The following ACAN variants were observed in gnomAD, a reference collection of about 807,000 sequenced individuals.
The protein encoded by ACAN is aggrecan core protein.
A neutral mutation model predicts 169.1 loss-of-function variants in ACAN; 47 were observed. That is an observed-to-expected ratio of 0.28 (90% CI 0.22 to 0.35). The LOEUF is 0.35. Ranked by LOEUF, ACAN falls within the 10% of genes least tolerant of loss-of-function variation. The pLI is 1.00. For missense variants in ACAN, 2,716 were observed against 2,759.9 expected (o/e 0.98, Z 0.36); for synonymous variants, 1,115 against 1,112.2 (o/e 1.00, Z -0.05).
chr15:88,804,898 G>A (rs1895638916), intron 1 of ACAN, among the ~76,000 whole-genome samples: 1 of 152,164 alleles, frequency 6.6e-6, no homozygotes, highest in African/African-American at 2.4e-5. Context: ...GGGTTAGCAC[G>A]GTGTTTTGGG....
Position 88,809,104 on chromosome 15 carries a change from A to G in ACAN, c.-8+5295A>G, listed in dbSNP as rs1895757514. On this transcript the variant is annotated intron_variant, in intron 1 of 18. Transcript: ENST00000560601. The stretch of plus-strand genomic sequence containing the variant: ...AGGACCTGGCACAAATTAGACATAC[A>G]ATAAAATGGCAACTGTTATTAGTAT... Among the ~76,000 whole-genome samples the G allele has an allele frequency of 2.0e-5, 3 of 152,322 alleles. No individual in the cohort carries two copies. In the South Asian group the frequency reaches 6.2e-4, roughly 32 times the overall value.
At chr15:88,817,424 G>A (rs1326208080) in intron 1 of ACAN, among the ~76,000 whole-genome samples, 1 of 152,086 alleles carries the variant, frequency 6.6e-6, no homozygotes, top group Non-Finnish European at 1.5e-5. Flanking sequence ...TTATAGGCAT[G>A]AGCCACTGTG....
chr15:88,812,709 C>T (rs1432527250), intron 1 of ACAN, among the ~76,000 whole-genome samples: 3 of 152,008 alleles, frequency 2.0e-5, no homozygotes. Flanking sequence ...TTAAAGAAAA[C>T]AAACACCCCC....
In ACAN at chr15:88,855,291, T is replaced by G; in HGVS notation, c.2706T>G (p.Ser902Arg). The G allele has an allele frequency of 6.2e-7, 1 of 1,611,206 alleles. No homozygotes were observed. Among genetic ancestry groups the G allele is most frequent in the Non-Finnish European group, 8.5e-7 (1 of 1,178,006 alleles). Reference sequence around the variant, plus strand: ...TGCCCTCTGGAGACCTGGACTCCAGTGGTCTTACTTCCACAGTGGGCTCAG... The same window carrying G: ...TGCCCTCTGGAGACCTGGACTCCAGGGGTCTTACTTCCACAGTGGGCTCAG... The part of the protein sequence containing the change: ...SGLPSGDLDS[S>R]GLTSTVGSGL... The change falls in exon 12 of 19, where the codon AGT (serine) becomes AGG (arginine). Residue 902 changes from serine to arginine, a missense_variant. Ser to Arg is a moderately radical substitution (Grantham distance 110). Transcript: ENST00000560601.
chr15:88,807,207 G>A lies in ACAN; in HGVS notation c.-8+3398G>A, dbSNP rs530105586. On this transcript the variant is annotated intron_variant, in intron 1 of 18. Coordinates refer to ENST00000560601, the MANE Select transcript of ACAN (RefSeq NM_001369268.1). The surrounding 1 kb of genome is among the most constrained non-coding windows in gnomAD (Gnocchi z 4.0). ...GTTGGGGAAAGGCAAGTTCAAGGAAGAGGACCCAGAGTCAGAGAGGAAGCA... is the reference window on the plus strand; with the variant it reads ...GTTGGGGAAAGGCAAGTTCAAGGAAAAGGACCCAGAGTCAGAGAGGAAGCA... 6.6e-6 allele frequency among the ~76,000 whole-genome samples: 1 copy of A among 152,234 alleles called. No homozygotes were observed. The highest frequency in any genetic ancestry group is 2.1e-4 in the South Asian group (1 of 4,808).
chr15:88,829,538 A>T (rs1301556732), intron 1 of ACAN, among the ~76,000 whole-genome samples: 1 of 152,172 alleles, frequency 6.6e-6, no homozygotes, highest in Non-Finnish European at 1.5e-5. Context: ...CCCAGCCTCG[A>T]GTGCATATGC....
Position 88,860,442 on chromosome 15 carries a change from A to C in ACAN, c.6946+3A>C, listed in dbSNP as rs756842423. ...CACTGGCGAGCACTGTAACATAGGT[A>C]AGGCCCTCATTGGCCGTGGAGAGTG... On this transcript the variant is annotated splice_donor_region_variant and intron_variant, in intron 13 of 18. Transcript: ENST00000560601. 1.2e-6 allele frequency: 2 copies of C among 1,611,630 alleles called. No individual in the cohort carries two copies. The highest frequency in any genetic ancestry group is 3.3e-5 in the Admixed American group (2 of 59,882).
chr15:88,851,637 A>T lies in ACAN; in HGVS notation c.2027-157A>T, dbSNP rs1896931834. 2.5e-6 allele frequency: 2 copies of T among 794,362 alleles called. No homozygotes were observed. The highest frequency in any genetic ancestry group is 1.7e-5 in the African/African-American group (1 of 57,538). The allele number at this position is 794,362 out of a possible 1,614,324, so 49.2% of individuals were successfully genotyped here. On this transcript the variant is annotated intron_variant, in intron 10 of 18. Coordinates refer to ENST00000560601, the MANE Select transcript of ACAN (RefSeq NM_001369268.1). This position sits in a 1 kb window ranked among gnomAD's most constrained non-coding sequence, Gnocchi z 4.3. Reference sequence around the variant, plus strand: ...TATGGATATTATATCATTGGTGCCGATGGCTCTTACTAAGCGAGAAGGCAA... The same window carrying T: ...TATGGATATTATATCATTGGTGCCGTTGGCTCTTACTAAGCGAGAAGGCAA...
At chr15:88,860,252 C>A in intron 12 of ACAN, 74 bp from the exon 13 acceptor site, 1 of 1,106,972 alleles carries the variant, frequency 9.0e-7, no homozygotes, top group Non-Finnish European at 1.3e-6. Flanking sequence ...CATGCCCCAA[C>A]TTTGAGGTCT....
chr15:88,815,950 C>G (rs1339676284), intron 1 of ACAN, among the ~76,000 whole-genome samples: 1 of 152,230 alleles, frequency 6.6e-6, no homozygotes, highest in Non-Finnish European at 1.5e-5. Context: ...CAGGGCCATG[C>G]TCCCTCTGAA....
intron 4 of ACAN, among the ~76,000 whole-genome samples, chr15:88,840,868 GGC>G: frequency 6.6e-6 from 1 of 152,166 alleles, no homozygotes; most frequent in Non-Finnish European, 1.5e-5. Flanking sequence ...GACTCAGCCG[GGC>G]GCAGTGGCTC....
At chr15:88,812,108 G>A (rs1895835631) in intron 1 of ACAN, among the ~76,000 whole-genome samples, 1 of 152,174 alleles carries the variant, frequency 6.6e-6, no homozygotes, top group South Asian at 2.1e-4. Context: ...ATTAGCGAAG[G>A]AGGAGCCTAG....
intron 1 of ACAN, among the ~76,000 whole-genome samples, chr15:88,825,552 C>T (rs1268697791): frequency 6.6e-6 from 1 of 152,150 alleles, no homozygotes; most frequent in Non-Finnish European, 1.5e-5. Context: ...TCCCAAGAGG[C>T]TTGAGAAGAG....
Position 88,843,217 on chromosome 15 carries a change from G to T in ACAN, c.758-138G>T. 1 of 682,990 alleles carries T rather than the reference G, an allele frequency of 1.5e-6. No individual in the cohort carries two copies. The allele number at this position is 682,990 out of a possible 1,614,324, so 42.3% of individuals were successfully genotyped here. ...ATAAGCAATGAAGGGCAAGATCTGA[G>T]ATGCAGACATATGGGACCAGGACTT... On this transcript the variant is annotated intron_variant, in intron 5 of 18. Coordinates refer to ENST00000560601, the MANE Select transcript of ACAN (RefSeq NM_001369268.1). This position sits in a 1 kb window ranked among gnomAD's most constrained non-coding sequence, Gnocchi z 4.0.
Position 88,872,689 on chromosome 15 carries a change from C to T in ACAN, c.7303-192C>T, listed in dbSNP as rs1897409766. 6.6e-6 allele frequency among the ~76,000 whole-genome samples: 1 copy of T among 152,128 alleles called. No homozygotes were observed. The highest frequency in any genetic ancestry group is 2.1e-4 in the South Asian group (1 of 4,814). On this transcript the variant is annotated intron_variant, in intron 16 of 18. Coordinates refer to ENST00000560601, the MANE Select transcript of ACAN (RefSeq NM_001369268.1). This position sits in a 1 kb window ranked among gnomAD's most constrained non-coding sequence, Gnocchi z 5.4. The stretch of plus-strand genomic sequence containing the variant: ...CTGTGTGACTGATTCCCTAGAGGGC[C>T]ACCGGGTTCCATGGCCCCTAGAACA...
In ACAN at chr15:88,854,925, G is replaced by T; in HGVS notation, c.2340G>T (p.Val780=). The change falls in exon 12 of 19, where the codon GTG becomes GTT. Residue 780 remains valine, a synonymous_variant. Transcript: ENST00000560601. ...CAGAAGGCCCTTCTGCAACTGAAGT[G>T]CCCTCTGCCTCAGAGGAACCATCCC... is the stretch of plus-strand genomic sequence containing the variant. ...ESTEGPSATE[V]PSASEEPSPS... 6.3e-7 allele frequency: 1 copy of T among 1,589,786 alleles called. No homozygotes were observed. Among genetic ancestry groups the T allele is most frequent in the Admixed American group, 1.8e-5 (1 of 55,564 alleles).
At position 88,871,294 on chromosome 15, in the gene ACAN, C is replaced by A; in HGVS notation, c.7061-88C>A. ...GGCACAGCATGGAAGGTGGGGTGAACGCAGGAACCTATGCCATAAGACTGG... is the reference window on the plus strand; with the variant it reads ...GGCACAGCATGGAAGGTGGGGTGAAAGCAGGAACCTATGCCATAAGACTGG... On this transcript the variant is annotated intron_variant, in intron 14 of 18. Coordinates refer to ENST00000560601, the MANE Select transcript of ACAN (RefSeq NM_001369268.1). The surrounding 1 kb of genome is among the most constrained non-coding windows in gnomAD (Gnocchi z 7.8). 1 of 1,563,058 alleles carries A rather than the reference C, an allele frequency of 6.4e-7. No individual in the cohort carries two copies. Among genetic ancestry groups the A allele is most frequent in the Non-Finnish European group, 8.7e-7 (1 of 1,149,176 alleles).
rs75512358 is a variant in ACAN, at chr15:88,847,751, A to G, written c.1605-160A>G. Among the ~76,000 whole-genome samples, 4,143 of 152,242 alleles carry G rather than the reference A, an allele frequency of 0.027. 195 individuals carry two copies. Among genetic ancestry groups the G allele is most frequent in the African/African-American group, 0.095 (3,948 of 41,514 alleles). The stretch of plus-strand genomic sequence containing the variant: ...ACCAGATCCTTCCCCCAGGCTGCTC[A>G]GAGAACTTGCTGCATAAGGGGCTTT... On this transcript the variant is annotated intron_variant, in intron 8 of 18. Coordinates refer to ENST00000560601, the MANE Select transcript of ACAN (RefSeq NM_001369268.1).
In ACAN at chr15:88,839,081, C is replaced by T; in HGVS notation, c.454+35C>T. 6.3e-7 allele frequency: 1 copy of T among 1,593,178 alleles called. No individual in the cohort carries two copies. The highest frequency in any genetic ancestry group is 8.5e-7 in the Non-Finnish European group (1 of 1,176,398). On this transcript the variant is annotated intron_variant, in intron 3 of 18. Coordinates refer to ENST00000560601, the MANE Select transcript of ACAN (RefSeq NM_001369268.1). The surrounding 1 kb of genome is among the most constrained non-coding windows in gnomAD (Gnocchi z 4.5). The stretch of plus-strand genomic sequence containing the variant: ...TCCCACAGGGACAGACGCTGCTTCA[C>T]CCACATAAAGAACCAGAGCAGTCTC...
Sources: allele counts gnomAD v4.1 joint callset (sites outside exome capture counted in the v4.1 genomes callset), GRCh38; gene constraint gnomAD v4.1.1; non-coding constraint Gnocchi (gnomAD v3.1); transcripts MANE v1.5; gene names NCBI Gene and HGNC (gene_info 2026-07-23, HGNC 2026-07-21).